Variants in SAMMSON observed in about 807,000 individuals in gnomAD.
SAMMSON encodes long intergenic non-protein coding RNA 1212.
At chr3:70,346,316 T>TG (rs1200178831) in intron 7 of SAMMSON, among the ~76,000 whole-genome samples, 2 of 151,876 alleles carry the variant, frequency 1.3e-5, no homozygotes, top group African/African-American at 2.4e-5. Flanking sequence ...TCATTGTTTT[T>TG]TTTTTTTTTC....
Position 70,184,707 on chromosome 3 carries a change from T to C in SAMMSON, n.508-64400T>C, listed in dbSNP as rs530414872. Among the ~76,000 whole-genome samples the C allele has an allele frequency of 2.0e-5, 3 of 152,322 alleles. No individual in the cohort carries two copies. The South Asian group carries it at 6.2e-4, about 32-fold the overall frequency. On this transcript the variant is annotated intron_variant and non_coding_transcript_variant, in intron 4 of 9. Transcript: ENST00000642114. ...TCAGAACAGAAATTTGGAGTCTCAGTTCCCATTGAATAATTTAGTTGCCAG... is the reference window on the plus strand; with the variant it reads ...TCAGAACAGAAATTTGGAGTCTCAGCTCCCATTGAATAATTTAGTTGCCAG...
At chr3:70,118,466 C>T (rs1335723584) in intron 4 of SAMMSON, among the ~76,000 whole-genome samples, 2 of 152,168 alleles carry the variant, frequency 1.3e-5, no homozygotes, top group Non-Finnish European at 2.9e-5. Flanking sequence ...TTCTGAGAAA[C>T]GTTAATCCCC....
At chr3:70,309,359 T>C (rs1418886339) in intron 7 of SAMMSON, among the ~76,000 whole-genome samples, 1 of 152,188 alleles carries the variant, frequency 6.6e-6, no homozygotes, top group Non-Finnish European at 1.5e-5. Flanking sequence ...AAAAGCATTG[T>C]TGCTATTACC....
At chr3:70,370,563 G>A (rs1702959803) in intron 9 of SAMMSON, among the ~76,000 whole-genome samples, 1 of 151,976 alleles carries the variant, frequency 6.6e-6, no homozygotes, top group Non-Finnish European at 1.5e-5. Flanking sequence ...GATTAGTGAT[G>A]GTGAGCATTT....
Position 70,198,342 on chromosome 3 carries a change from T to C in SAMMSON, n.508-50765T>C, listed in dbSNP as rs116332631. On this transcript the variant is annotated intron_variant and non_coding_transcript_variant, in intron 4 of 9. Coordinates refer to ENST00000642114, the Ensembl canonical transcript of SAMMSON. ...TTAGTCAATGGGGAGTATATAAGCA[T>C]ATAGAAGAGATTTTGCCTACAGTAT... is the stretch of plus-strand genomic sequence containing the variant. Among the ~76,000 whole-genome samples, 1,243 of 152,234 alleles carry C rather than the reference T, an allele frequency of 8.2e-3. 15 individuals carry two copies. The highest frequency in any genetic ancestry group is 0.028 in the African/African-American group (1,180 of 41,546).
intron 4 of SAMMSON, among the ~76,000 whole-genome samples, chr3:70,237,315 T>C (rs1021867026): frequency 6.6e-6 from 1 of 152,234 alleles, no homozygotes; most frequent in Non-Finnish European, 1.5e-5. Flanking sequence ...CCTCTATTAA[T>C]GAATGCTTAA....
At chr3:70,055,472 C>T (rs1217221386) in intron 3 of SAMMSON, among the ~76,000 whole-genome samples, 1 of 152,134 alleles carries the variant, frequency 6.6e-6, no homozygotes, top group Non-Finnish European at 1.5e-5. Flanking sequence ...CCTTATTTCA[C>T]AATTCGTGAA....
chr3:70,033,215 T>C (rs968069391), intron 3 of SAMMSON, among the ~76,000 whole-genome samples: 1 of 152,198 alleles, frequency 6.6e-6, no homozygotes, highest in Non-Finnish European at 1.5e-5. Context: ...TACTTACTTT[T>C]CCTTCTTCCC....
intron 2 of SAMMSON, among the ~76,000 whole-genome samples, chr3:70,400,120 G>T (rs1314408486): frequency 6.6e-6 from 1 of 152,054 alleles, no homozygotes; most frequent in Non-Finnish European, 1.5e-5. Context: ...ATTTTGTGAT[G>T]ATAGTGAATT....
intron 9 of SAMMSON, among the ~76,000 whole-genome samples, chr3:70,380,957 G>T (rs1275819239): frequency 1.3e-5 from 2 of 152,104 alleles, no homozygotes; most frequent in Non-Finnish European, 2.9e-5. Flanking sequence ...TGGACATTTG[G>T]GTTGGTTCCA....
chr3:70,181,270 GTA>G (rs1239243269), intron 4 of SAMMSON, among the ~76,000 whole-genome samples: 2 of 152,160 alleles, frequency 1.3e-5, no homozygotes, highest in African/African-American at 4.8e-5. Flanking sequence ...ATGAAGCTGC[GTA>G]TGTGGTCTTG....
At chr3:70,014,798 C>G (rs1187059885) in intron 3 of SAMMSON, 1 of 152,056 alleles carries the variant, frequency 6.6e-6, no homozygotes. Context: ...CATGAGTTGT[C>G]CATCTTTGTA....
At chr3:70,066,213 A>T (rs1235878265) in intron 3 of SAMMSON, among the ~76,000 whole-genome samples, 1 of 152,108 alleles carries the variant, frequency 6.6e-6, no homozygotes, top group Non-Finnish European at 1.5e-5. Flanking sequence ...TGTTACATAA[A>T]TATGCAGACT....
intron 4 of SAMMSON, among the ~76,000 whole-genome samples, chr3:70,243,287 A>T (rs978024300): frequency 2.0e-5 from 3 of 151,974 alleles, no homozygotes; most frequent in South Asian, 4.2e-4. Context: ...GGCCTTTGAA[A>T]TGTCTTCTAT....
At chr3:70,020,756 G>A (rs17785152) in intron 3 of SAMMSON, among the ~76,000 whole-genome samples, 58,656 of 151,820 alleles carry the variant, frequency 0.39, 11,733 homozygotes, top group East Asian at 0.61. Context: ...ACTGTTGATC[G>A]AGCGCCTTTT....
intron 4 of SAMMSON, among the ~76,000 whole-genome samples, chr3:70,246,093 C>T (rs1701705878): frequency 1.3e-5 from 2 of 151,700 alleles, no homozygotes; most frequent in Non-Finnish European, 2.9e-5. Context: ...GTTCACTACA[C>T]ACCATAAAAA....
At chr3:70,223,223 C>A (rs1395111062) in intron 4 of SAMMSON, among the ~76,000 whole-genome samples, 3 of 152,070 alleles carry the variant, frequency 2.0e-5, no homozygotes, top group African/African-American at 7.2e-5. Flanking sequence ...TTATTGTGCT[C>A]TTATTTGTGA....
chr3:70,074,217 T>C (rs2106638487), intron 4 of SAMMSON, among the ~76,000 whole-genome samples: 1 of 152,188 alleles, frequency 6.6e-6, no homozygotes, highest in East Asian at 1.9e-4. Context: ...GAATGTTAAA[T>C]ATAAAAACCA....
At chr3:70,188,000 A>G (rs1701104956) in intron 4 of SAMMSON, among the ~76,000 whole-genome samples, 1 of 152,148 alleles carries the variant, frequency 6.6e-6, no homozygotes, top group Non-Finnish European at 1.5e-5. Flanking sequence ...GGAGAAGGGC[A>G]GCCACCCCAC....
Sources: gnomAD v4.1 joint callset for allele counts (sites outside exome capture counted in the v4.1 genomes callset) on GRCh38, gnomAD v4.1.1 for gene constraint, MANE v1.5 for transcripts, NCBI Gene and HGNC (gene_info 2026-07-23, HGNC 2026-07-21) for gene names.